RABEP1: variants seen among roughly 807,000 people sequenced by gnomAD.
The protein encoded by RABEP1 is rab GTPase-binding effector protein 1.
Under a neutral mutation model 123.4 loss-of-function variants are expected in RABEP1, and 51 were observed. The ratio of observed to expected loss-of-function variants is 0.41; its 90% CI spans 0.33 to 0.52. The LOEUF (loss-of-function observed/expected upper bound fraction) is 0.52. RABEP1 is among the 20% of genes least tolerant of loss of function. The pLI is 0.16. For missense variants in RABEP1, 888 were observed against 996.3 expected (o/e 0.89, Z 1.46); for synonymous variants, 347 against 355.2 (o/e 0.98, Z 0.26).
chr17:5,284,317 T>G (rs2074956803), intron 1 of RABEP1, among the ~76,000 whole-genome samples: 1 of 152,208 alleles, frequency 6.6e-6, no homozygotes, highest in South Asian at 2.1e-4. Context: ...ATCTTGTGAC[T>G]CTAGGATGAG....
chr17:5,283,722 C>G (rs764889529), intron 1 of RABEP1, among the ~76,000 whole-genome samples: 3 of 152,126 alleles, frequency 2.0e-5, no homozygotes, highest in Non-Finnish European at 2.9e-5. Context: ...CTTTGGGGAA[C>G]TTGAAACCAT....
chr17:5,325,657 A>G (rs1266157051), intron 2 of RABEP1, among the ~76,000 whole-genome samples: 2 of 151,800 alleles, frequency 1.3e-5, no homozygotes, highest in Non-Finnish European at 2.9e-5. Context: ...AGATTTCAAA[A>G]TAGAAGAATT....
intron 11 of RABEP1, among the ~76,000 whole-genome samples, chr17:5,367,491 G>A (rs564420648): frequency 1.3e-3 from 191 of 151,710 alleles, no homozygotes; most frequent in Admixed American, 1.4e-3. Context: ...GGCTGGTCTC[G>A]AACTCCTGAC....
intron 14 of RABEP1, 40 bp downstream of exon 14, chr17:5,377,345 AAAT>A (rs1247899450): frequency 2.0e-6 from 3 of 1,506,890 alleles, no homozygotes; most frequent in Non-Finnish European, 2.7e-6. Flanking sequence ...TAGAGTCACT[AAAT>A]AAAACTTTAG....
At chr17:5,312,592 T>C (rs1186342559) in intron 2 of RABEP1, among the ~76,000 whole-genome samples, 1 of 152,182 alleles carries the variant, frequency 6.6e-6, no homozygotes, top group Non-Finnish European at 1.5e-5. Context: ...CATTTTTTCA[T>C]GGCTTTCAGG....
chr17:5,370,456 C>G (rs1220911139), intron 12 of RABEP1, among the ~76,000 whole-genome samples: 9 of 152,082 alleles, frequency 5.9e-5, no homozygotes, highest in Admixed American at 3.9e-4. Context: ...TATTTTGATC[C>G]AGGAACCAAT....
chr17:5,346,852 T>G lies in RABEP1; in HGVS notation c.711T>G (p.Tyr237Ter). ...CTTGTAGGACTGATCTAGAGATGTATGTAGCTGTTTTGAATACTCAGAAAT... is the reference window on the plus strand; with the variant it reads ...CTTGTAGGACTGATCTAGAGATGTAGGTAGCTGTTTTGAATACTCAGAAAT... ...EKSCRTDLEM[Y>*]VAVLNTQKSV... Residue 237 changes from tyrosine to a stop codon, truncating the protein, a stop_gained, in exon 6 of 18, where the codon TAT becomes TAG. Coordinates refer to ENST00000537505, the MANE Select transcript of RABEP1 (RefSeq NM_004703.6). LOFTEE classifies it high-confidence loss of function. 1 of 1,610,778 alleles carries G rather than the reference T, an allele frequency of 6.2e-7. No individual in the cohort carries two copies. The highest frequency in any genetic ancestry group is 8.5e-7 in the Non-Finnish European group (1 of 1,177,992).
intron 13 of RABEP1, 50 bp from the exon 14 acceptor site, chr17:5,377,066 A>AT: frequency 1.3e-6 from 2 of 1,514,708 alleles, no homozygotes; most frequent in Non-Finnish European, 8.9e-7. Flanking sequence ...TAGCTTCTTT[A>AT]TTTCCTTTCA....
At position 5,377,255 on chromosome 17, in the gene RABEP1, A is replaced by G. The variant is rs1364246524; in HGVS notation, c.2165A>G (p.Asn722Ser). The change falls in exon 14 of 18, where the codon AAT (asparagine) becomes AGT (serine). Residue 722 changes from asparagine (N) to serine (S), a missense_variant. Asn to Ser is a conservative substitution (Grantham distance 46). Coordinates refer to ENST00000537505, the MANE Select transcript of RABEP1 (RefSeq NM_004703.6). ...QIQAEQCLKE[N>S]LEETLQLEIE... ...CAAGCAGAACAGTGTTTAAAAGAAA[A>G]TCTTGAAGAAACTCTGCAACTAGAA... 12 of 1,595,102 alleles carry G rather than the reference A, an allele frequency of 7.5e-6. No homozygotes were observed. Among genetic ancestry groups the G allele is most frequent in the Non-Finnish European group, 1.0e-5 (12 of 1,175,840 alleles).
At chr17:5,362,850 T>A in intron 9 of RABEP1, 62 bp from the exon 10 acceptor site, 1 of 1,081,458 alleles carries the variant, frequency 9.2e-7, no homozygotes, top group Non-Finnish European at 1.4e-6. Context: ...TATGCACGTG[T>A]ACCTCAAGTG....
intron 2 of RABEP1, among the ~76,000 whole-genome samples, chr17:5,326,528 A>G (rs1189707225): frequency 1.3e-5 from 2 of 152,234 alleles, no homozygotes; most frequent in Non-Finnish European, 2.9e-5. Context: ...TTTTTAGAGC[A>G]GTGAAACTAT....
chr17:5,375,276 C>G (rs888832219), intron 13 of RABEP1, among the ~76,000 whole-genome samples: 1 of 152,094 alleles, frequency 6.6e-6, no homozygotes, highest in South Asian at 2.1e-4. Flanking sequence ...AGTTGCCTAT[C>G]TTGCCATTAG....
intron 13 of RABEP1, among the ~76,000 whole-genome samples, chr17:5,376,220 T>C (rs1385893412): frequency 1.3e-5 from 2 of 151,926 alleles, no homozygotes; most frequent in Non-Finnish European, 2.9e-5. Context: ...CATTGGGAGG[T>C]TGAAGTGGGA....
At chr17:5,363,860 G>T (rs1909783494) in intron 10 of RABEP1, among the ~76,000 whole-genome samples, 2 of 148,670 alleles carry the variant, frequency 1.3e-5, no homozygotes, top group South Asian at 4.2e-4. Context: ...TTTTTCAAGT[G>T]CAGTGTTTAA....
rs1292495435 is a variant in RABEP1 at position 5,347,013 on chromosome 17, T to C, written c.784+88T>C. On this transcript the variant is annotated intron_variant, in intron 6 of 17. Transcript: ENST00000537505. The stretch of plus-strand genomic sequence containing the variant: ...CTAATAACAGTGACAAATCTTAAAA[T>C]AACAATGCAACATGTTAGTGATTCA... The C allele has an allele frequency of 2.8e-6, 3 of 1,090,704 alleles. No individual in the cohort carries two copies. In the African/African-American group the frequency reaches 4.8e-5, roughly 18 times the overall value. The allele number at this position is 1,090,704 out of a possible 1,614,324, so 67.6% of individuals were successfully genotyped here.
chr17:5,351,238 G>T (rs540054915), intron 7 of RABEP1, among the ~76,000 whole-genome samples: 1 of 151,728 alleles, frequency 6.6e-6, no homozygotes, highest in Non-Finnish European at 1.5e-5. Flanking sequence ...TCAGGTTCCT[G>T]TTTTCTCCTT....
chr17:5,373,697 CACACACACACA>C, intron 13 of RABEP1, among the ~76,000 whole-genome samples: 1 of 73,056 alleles, frequency 1.4e-5, no homozygotes, highest in Non-Finnish European at 2.3e-5. Flanking sequence ...CAGCTAAACA[CACACACACACA>C]CACACACACA....
At chr17:5,324,563 A>G (rs1365572630) in intron 2 of RABEP1, among the ~76,000 whole-genome samples, 5 of 152,236 alleles carry the variant, frequency 3.3e-5, no homozygotes, top group Admixed American at 3.3e-4. Context: ...ATAGGCAAAA[A>G]TAGACAAATG....
intron 2 of RABEP1, among the ~76,000 whole-genome samples, chr17:5,331,044 TTTTTTTTTTTTA>T (rs1191450543): frequency 1.0e-3 from 121 of 119,156 alleles, no homozygotes; most frequent in East Asian, 4.0e-3. Context: ...TTTTTTTTTT[TTTTTTTTTTTTA>T]AAGAAACACA....
Sources: gnomAD v4.1 joint callset for allele counts (sites outside exome capture counted in the v4.1 genomes callset) on GRCh38, gnomAD v4.1.1 for gene constraint, MANE v1.5 for transcripts, NCBI Gene and HGNC (gene_info 2026-07-23, HGNC 2026-07-21) for gene names.